Variants in PEX5L observed in about 807,000 individuals in gnomAD.
The protein encoded by PEX5L is peroxisomal biogenesis factor 5 like, also known as PEX5-related protein.
PEX5L carries 30 observed loss-of-function variants against 84.0 expected under a neutral mutation model. That is an observed-to-expected ratio of 0.36 (90% confidence interval 0.27 to 0.48). The LOEUF (loss-of-function observed/expected upper bound fraction) is 0.48, where lower values mean the gene tolerates loss of function less well. PEX5L is among the 20% of genes least tolerant of loss of function. The probability of loss-of-function intolerance (pLI) is 0.99; values close to 1 mark genes in which losing one functional copy is unlikely to be tolerated. For synonymous variants in PEX5L, 270 were observed against 283.1 expected, an observed-to-expected ratio of 0.95 and a Z score of 0.46; for missense variants, 533 against 754.6, an observed-to-expected ratio of 0.71 and a Z score of 3.44.
chr3:179,835,978 T>C (rs1734795148), intron 8 of PEX5L, among the ~76,000 whole-genome samples: 1 of 152,176 alleles, frequency 6.6e-6, no homozygotes, highest in Admixed American at 6.5e-5. Flanking sequence ...TAGAAAATAA[T>C]GTAGGCAAAC....
At chr3:179,982,247 TAGTG>T (rs1471194742) in intron 1 of PEX5L, among the ~76,000 whole-genome samples, 2 of 152,202 alleles carry the variant, frequency 1.3e-5, no homozygotes. Context: ...TCTTGCTTCT[TAGTG>T]AGACACTTTT....
intron 8 of PEX5L, among the ~76,000 whole-genome samples, chr3:179,855,110 AAAGG>A (rs1438236249): frequency 1.3e-5 from 2 of 152,222 alleles, no homozygotes; most frequent in East Asian, 3.8e-4. Context: ...GAACAGAGAG[AAAGG>A]CAGAAGCCAA....
Position 179,795,024 on chromosome 3 carries a change from T to C in PEX5L, c.*6804A>G, listed in dbSNP as rs1266112274. On this transcript the variant is annotated 3_prime_UTR_variant, in exon 15 of 15. Coordinates refer to ENST00000467460, the MANE Select transcript of PEX5L (RefSeq NM_016559.3). ...AATTTCAGGTTAAATAATATTTTAGTCTTAAAAAATTAACAAAGGAGGAAG... is the reference window on the plus strand; with the variant it reads ...AATTTCAGGTTAAATAATATTTTAGCCTTAAAAAATTAACAAAGGAGGAAG... 6.6e-6 allele frequency: 1 copy of C among 152,242 alleles called. No individual in the cohort carries two copies. Among genetic ancestry groups the C allele is most frequent in the Non-Finnish European group, 1.5e-5 (1 of 68,036 alleles). 9.4% of individuals were successfully genotyped at this position (152,242 alleles called of 1,614,324 possible).
At chr3:179,820,324 A>G in intron 8 of PEX5L, 1 of 224,890 alleles carries the variant, frequency 4.4e-6, no homozygotes, top group Non-Finnish European at 8.8e-6. Flanking sequence ...CCTAGCATAT[A>G]AAGAATTAGA....
intron 2 of PEX5L, among the ~76,000 whole-genome samples, chr3:179,925,039 A>G (rs1295425828): frequency 1.3e-5 from 2 of 152,198 alleles, no homozygotes; most frequent in African/African-American, 2.4e-5. Flanking sequence ...GGTAAGAATT[A>G]GAAAGTCCTA....
chr3:179,960,030 G>T (rs930869163), intron 2 of PEX5L, among the ~76,000 whole-genome samples: 1 of 152,124 alleles, frequency 6.6e-6, no homozygotes, highest in Non-Finnish European at 1.5e-5. Context: ...TCAAGAGCAG[G>T]CTTTATGTTT....
At chr3:179,807,083 AAAAG>A (rs754713820) in intron 14 of PEX5L, among the ~76,000 whole-genome samples, 1 of 152,256 alleles carries the variant, frequency 6.6e-6, no homozygotes, top group Non-Finnish European at 1.5e-5. Flanking sequence ...GGTAATGGGA[AAAAG>A]AAAGAGAGGA....
At chr3:179,908,205 T>C (rs1395288009) in intron 2 of PEX5L, among the ~76,000 whole-genome samples, 1 of 152,212 alleles carries the variant, frequency 6.6e-6, no homozygotes, top group Non-Finnish European at 1.5e-5. Context: ...AGATGAATAA[T>C]AGTCTCTCAC....
intron 2 of PEX5L, among the ~76,000 whole-genome samples, chr3:179,916,257 T>C (rs919823573): frequency 2.6e-5 from 4 of 152,166 alleles, no homozygotes; most frequent in East Asian, 3.8e-4. Context: ...CCAGATGATA[T>C]AGCCTCATAC....
rs1275818836 is a variant in PEX5L at position 179,799,176 on chromosome 3, C to A, written c.*2652G>T. On this transcript the variant is annotated 3_prime_UTR_variant, in exon 15 of 15. Transcript: ENST00000467460. ...CTCGTGGTCTGCCCGCCTCTGCCTC[C>A]CAAAGTGCTAGGATTACAGGCGTGA... The A allele has an allele frequency of 1.3e-5, 2 of 152,166 alleles. No homozygotes were observed. Among genetic ancestry groups the A allele is most frequent in the Non-Finnish European group, 2.9e-5 (2 of 68,062 alleles). The allele number at this position is 152,166 out of a possible 1,614,324, so 9.4% of individuals were successfully genotyped here.
intron 1 of PEX5L, among the ~76,000 whole-genome samples, chr3:180,034,197 G>T (rs1221636897): frequency 6.6e-6 from 1 of 152,168 alleles, no homozygotes; most frequent in Admixed American, 6.5e-5. Context: ...ATACAGAAAA[G>T]AGAAGAATTA....
At chr3:179,927,268 CCTGA>C (rs1258354594) in intron 2 of PEX5L, among the ~76,000 whole-genome samples, 2 of 152,028 alleles carry the variant, frequency 1.3e-5, no homozygotes, top group Non-Finnish European at 2.9e-5. Context: ...AGACAGGGAC[CCTGA>C]CTAAGTGTAG....
At chr3:179,873,555 G>A (rs901221141) in intron 7 of PEX5L, among the ~76,000 whole-genome samples, 1 of 152,122 alleles carries the variant, frequency 6.6e-6, no homozygotes. Flanking sequence ...AGAACCATAG[G>A]AGATATGGTC....
At chr3:180,028,297 A>G (rs73180053) in intron 1 of PEX5L, among the ~76,000 whole-genome samples, 10,629 of 152,236 alleles carry the variant, frequency 0.07, 379 homozygotes, top group Non-Finnish European at 0.092. Context: ...AGTGGTGAAC[A>G]CCTTTAGAAC....
At chr3:179,830,376 G>T (rs910199628) in intron 8 of PEX5L, among the ~76,000 whole-genome samples, 2 of 149,500 alleles carry the variant, frequency 1.3e-5, no homozygotes, top group African/African-American at 5.0e-5. Flanking sequence ...ATCTTACGAG[G>T]CTATTGGGTA....
At chr3:180,033,011 C>A (rs1032415494) in intron 1 of PEX5L, among the ~76,000 whole-genome samples, 1 of 152,154 alleles carries the variant, frequency 6.6e-6, no homozygotes, top group African/African-American at 2.4e-5. Flanking sequence ...TACAGTCTTA[C>A]CTTCAATTGG....
chr3:179,976,862 C>T (rs1047433209), intron 1 of PEX5L, among the ~76,000 whole-genome samples: 8 of 151,948 alleles, frequency 5.3e-5, no homozygotes, highest in Non-Finnish European at 7.4e-5. Flanking sequence ...TGTAAAGATA[C>T]TGATCATGTT....
intron 10 of PEX5L, among the ~76,000 whole-genome samples, 151 bp downstream of exon 10, chr3:179,815,707 CTTA>C (rs1280217240): frequency 2.0e-5 from 3 of 152,176 alleles, no homozygotes; most frequent in Non-Finnish European, 4.4e-5. Flanking sequence ...AAAACGGGTA[CTTA>C]TTTGTAACTT....
chr3:179,806,308 G>T (rs930547373), intron 14 of PEX5L, among the ~76,000 whole-genome samples: 1 of 152,200 alleles, frequency 6.6e-6, no homozygotes, highest in South Asian at 2.1e-4. Flanking sequence ...GGGTGGCACA[G>T]AGTCAGCTCT....
Sources: gnomAD v4.1 joint callset for allele counts (sites outside exome capture counted in the v4.1 genomes callset) on GRCh38, gnomAD v4.1.1 for gene constraint, MANE v1.5 for transcripts, NCBI Gene and HGNC (gene_info 2026-07-23, HGNC 2026-07-21) for gene names.